PXDNL: variants seen among roughly 807,000 people sequenced by gnomAD.
PXDNL encodes probable oxidoreductase PXDNL.
Under a neutral mutation model 150.8 loss-of-function variants are expected in PXDNL, and 145 were observed. The observed-to-expected ratio is 0.96, with a 90% confidence interval of 0.84 to 1.10. PXDNL has a LOEUF of 1.10. PXDNL is among the 50% of genes least tolerant of loss of function. The pLI, the probability that PXDNL is intolerant of heterozygous loss-of-function variation, is 0.00. For synonymous variants in PXDNL, 757 were observed against 725.7 expected, an observed-to-expected ratio of 1.04 and a Z score of -0.69; for missense variants, 2,087 against 1,873.9, an observed-to-expected ratio of 1.11 and a Z score of -2.10.
intron 2 of PXDNL, among the ~76,000 whole-genome samples, chr8:51,597,719 C>CA (rs1419127945): frequency 3.0e-5 from 4 of 131,536 alleles, no homozygotes; most frequent in Non-Finnish European, 4.8e-5. Flanking sequence ...CATTTTTTTT[C>CA]TTTTTTTTTT....
chr8:51,425,771 G>A (rs773999702), intron 13 of PXDNL, among the ~76,000 whole-genome samples: 26 of 151,646 alleles, frequency 1.7e-4, no homozygotes, highest in Non-Finnish European at 3.7e-4. Context: ...GTAGTGAGCC[G>A]AGATCGCGCC....
intron 4 of PXDNL, among the ~76,000 whole-genome samples, chr8:51,544,057 T>C (rs1812292685): frequency 6.6e-6 from 1 of 152,210 alleles, no homozygotes; most frequent in African/African-American, 2.4e-5. Flanking sequence ...TAAAGAGTCC[T>C]CTGTGCCATT....
intron 2 of PXDNL, among the ~76,000 whole-genome samples, chr8:51,647,911 T>C (rs1462686249): frequency 6.6e-6 from 1 of 152,184 alleles, no homozygotes; most frequent in African/African-American, 2.4e-5. Context: ...TTCTTTTTAC[T>C]TTTTGCCTAT....
In PXDNL at chr8:51,576,933, A is replaced by G. The variant is rs112475814; in HGVS notation, c.308+15694T>C. 2.5e-3 allele frequency among the ~76,000 whole-genome samples: 376 copies of G among 152,048 alleles called. 2 individuals carry two copies. The highest frequency in any genetic ancestry group is 8.7e-3 in the African/African-American group (360 of 41,556). On this transcript the variant is annotated intron_variant, in intron 3 of 22. Transcript: ENST00000356297. ...ACAACTTCCTCAAAAAGCACAAACT[A>G]TCAGTTCACTCAGTGTGAAAGAGAT...
intron 10 of PXDNL, among the ~76,000 whole-genome samples, chr8:51,451,304 A>G (rs985590106): frequency 6.6e-6 from 1 of 152,186 alleles, no homozygotes; most frequent in African/African-American, 2.4e-5. Context: ...AAAATAGTCA[A>G]TTTACATTTG....
At chr8:51,433,250 G>C (rs1033764029) in intron 12 of PXDNL, among the ~76,000 whole-genome samples, 1 of 134,128 alleles carries the variant, frequency 7.5e-6, no homozygotes, top group African/African-American at 2.8e-5. Context: ...AATAATAATA[G>C]AAATATTTCT....
chr8:51,682,950 C>A (rs1217640050), intron 1 of PXDNL, among the ~76,000 whole-genome samples: 1 of 151,724 alleles, frequency 6.6e-6, no homozygotes, highest in Non-Finnish European at 1.5e-5. Flanking sequence ...AATTAAGGAA[C>A]GACCAGAGCG....
chr8:51,396,907 A>C (rs922149850), intron 17 of PXDNL, among the ~76,000 whole-genome samples: 3 of 152,212 alleles, frequency 2.0e-5, no homozygotes, highest in Non-Finnish European at 4.4e-5. Flanking sequence ...ACTTACTTAT[A>C]TTTTTAGCCT....
At chr8:51,480,376 G>A (rs775034675) in intron 6 of PXDNL, among the ~76,000 whole-genome samples, 1 of 152,140 alleles carries the variant, frequency 6.6e-6, no homozygotes, top group Non-Finnish European at 1.5e-5. Flanking sequence ...GCGGAAGGAG[G>A]AGCAGAAGCA....
rs530537872 is a variant in PXDNL, at chr8:51,670,007, T to C, written c.165-15247A>G. 1.0e-3 allele frequency among the ~76,000 whole-genome samples: 153 copies of C among 152,252 alleles called. 1 individual carries two copies. Among genetic ancestry groups the C allele is most frequent in the African/African-American group, 3.4e-3 (143 of 41,546 alleles). ...ATCTCAGTACTTTGGGAGGCCAAGG[T>C]GGGCAGATCACTTGAGGTCAAGAGT... On this transcript the variant is annotated intron_variant, in intron 1 of 22. Coordinates refer to ENST00000356297, the MANE Select transcript of PXDNL (RefSeq NM_144651.5).
At chr8:51,591,051 T>C (rs1813432836) in intron 3 of PXDNL, among the ~76,000 whole-genome samples, 1 of 152,226 alleles carries the variant, frequency 6.6e-6, no homozygotes, top group Admixed American at 6.5e-5. Context: ...ATCAGGGCTC[T>C]GCCCTTATAA....
chr8:51,551,731 A>G (rs1812490145), intron 4 of PXDNL, among the ~76,000 whole-genome samples: 1 of 152,220 alleles, frequency 6.6e-6, no homozygotes, highest in African/African-American at 2.4e-5. Flanking sequence ...TCTAGAAGAT[A>G]ACATTGTAAA....
intron 1 of PXDNL, among the ~76,000 whole-genome samples, chr8:51,735,542 T>C (rs1229700028): frequency 8.4e-6 from 1 of 118,692 alleles, no homozygotes; most frequent in Admixed American, 8.1e-5. Context: ...TTTTTTTTTT[T>C]TTTTTTTTTT....
chr8:51,456,072 T>C (rs1031835244), intron 9 of PXDNL, among the ~76,000 whole-genome samples: 10 of 152,222 alleles, frequency 6.6e-5, no homozygotes, highest in Non-Finnish European at 1.3e-4. Flanking sequence ...CTGTGGCAAT[T>C]GCCGCTGCTG....
chr8:51,734,713 A>G (rs542718379), intron 1 of PXDNL, among the ~76,000 whole-genome samples: 1 of 152,304 alleles, frequency 6.6e-6, no homozygotes, highest in East Asian at 1.9e-4. Flanking sequence ...AATATTTTCT[A>G]CTCTGCTCTT....
chr8:51,768,258 TG>T (rs773662073), intron 1 of PXDNL, among the ~76,000 whole-genome samples: 2 of 150,026 alleles, frequency 1.3e-5, no homozygotes, highest in East Asian at 3.9e-4. Flanking sequence ...ATTTTATCAG[TG>T]TTTTTTTTTT....
At chr8:51,517,136 C>T (rs574646683) in intron 4 of PXDNL, among the ~76,000 whole-genome samples, 11 of 152,018 alleles carry the variant, frequency 7.2e-5, no homozygotes, top group South Asian at 2.1e-4. Flanking sequence ...TATATTTGCC[C>T]GGATAACTTT....
At chr8:51,720,247 T>C (rs1048837109) in intron 1 of PXDNL, among the ~76,000 whole-genome samples, 70 of 151,926 alleles carry the variant, frequency 4.6e-4, no homozygotes, top group Admixed American at 2.0e-3. Context: ...CAGAAGCAAA[T>C]TGTTCTTAAA....
intron 1 of PXDNL, among the ~76,000 whole-genome samples, chr8:51,701,693 A>G (rs546177338): frequency 4.6e-5 from 7 of 152,320 alleles, no homozygotes; most frequent in African/African-American, 1.7e-4. Context: ...TTTCCATTAT[A>G]AATTTTTCTA....
Sources: allele counts gnomAD v4.1 joint callset (sites outside exome capture counted in the v4.1 genomes callset), GRCh38; gene constraint gnomAD v4.1.1; transcripts MANE v1.5; gene names NCBI Gene and HGNC (gene_info 2026-07-23, HGNC 2026-07-21).